Variants in SLC25A26 observed in about 807,000 individuals in gnomAD.
The protein encoded by SLC25A26 is solute carrier family 25 member 26, also known as mitochondrial S-adenosylmethionine carrier protein.
SLC25A26 carries 36 observed loss-of-function variants against 37.8 expected under a neutral mutation model. That is an observed-to-expected ratio of 0.95 (90% confidence interval 0.73 to 1.26). SLC25A26 has a LOEUF of 1.26. Ranked by LOEUF, SLC25A26 falls within the 50% of genes most tolerant of loss-of-function variation. SLC25A26 has a pLI of 0.00. For synonymous variants in SLC25A26, 129 were observed against 122.5 expected, an observed-to-expected ratio of 1.05 and a Z score of -0.35; for missense variants, 390 against 331.1, an observed-to-expected ratio of 1.18 and a Z score of -1.38.
chr3:66,190,380 T>C (rs1021542478), intron 1 of SLC25A26, among the ~76,000 whole-genome samples: 1,653 of 152,178 alleles, frequency 0.011, 31 homozygotes, highest in African/African-American at 0.038. Flanking sequence ...TTCTTATTGA[T>C]TTGCCTCAGG....
intron 5 of SLC25A26, among the ~76,000 whole-genome samples, chr3:66,337,205 C>T (rs2076109515): frequency 1.3e-5 from 2 of 152,108 alleles, no homozygotes; most frequent in Non-Finnish European, 2.9e-5. Flanking sequence ...TGATACCCAA[C>T]AGCAGCAGAT....
In SLC25A26 at chr3:66,135,249, G is replaced by A. The variant is rs146271925; in HGVS notation, c.-354+1265G>A. Among the ~76,000 whole-genome samples, 734 of 152,196 alleles carry A rather than the reference G, an allele frequency of 4.8e-3. 8 individuals are homozygous for A. The highest frequency in any genetic ancestry group is 0.017 in the African/African-American group (695 of 41,522). ...TTAATTAACTTACATTTGAATTTCA[G>A]AAATGTTTTTAACTTTGTTTCAGGG... On this transcript the variant is annotated intron_variant, in intron 1 of 10. Coordinates refer to the SLC25A26 transcript ENST00000676754.
chr3:66,317,491 GA>G (rs2075571761), intron 5 of SLC25A26, among the ~76,000 whole-genome samples: 1 of 152,158 alleles, frequency 6.6e-6, no homozygotes, highest in African/African-American at 2.4e-5. Context: ...CTTTCTCTGG[GA>G]GCTCTGTCCC....
intron 5 of SLC25A26, among the ~76,000 whole-genome samples, chr3:66,316,649 T>C (rs1197307684): frequency 6.6e-6 from 1 of 152,186 alleles, no homozygotes; most frequent in Non-Finnish European, 1.5e-5. Context: ...AGTTCCTGAA[T>C]TTGAATGTTG....
In SLC25A26 at chr3:66,194,835, A is replaced by G. The variant is rs1314447109; in HGVS notation, c.-353-25907A>G. On this transcript the variant is annotated intron_variant, in intron 1 of 10. Coordinates refer to the SLC25A26 transcript ENST00000676754. ...AGGCTGGTCTCGGACTCCCGACCCCAGGTGATCCGCCCTCCTCGGCCTCCC... is the reference window on the plus strand; with the variant it reads ...AGGCTGGTCTCGGACTCCCGACCCCGGGTGATCCGCCCTCCTCGGCCTCCC... Among the ~76,000 whole-genome samples the G allele has an allele frequency of 3.9e-5, 6 of 152,318 alleles. No individual in the cohort carries two copies. The East Asian group carries it at 7.7e-4, about 20-fold the overall frequency.
At chr3:66,247,078 A>T (rs901746022) in intron 3 of SLC25A26, among the ~76,000 whole-genome samples, 8 of 151,604 alleles carry the variant, frequency 5.3e-5, no homozygotes, top group Non-Finnish European at 8.8e-5. Flanking sequence ...GTTAGCCAGG[A>T]TGGTCTTGAT....
chr3:66,371,042 A>T (rs1700319670), intron 9 of SLC25A26, among the ~76,000 whole-genome samples: 1 of 152,258 alleles, frequency 6.6e-6, no homozygotes, highest in Admixed American at 6.5e-5. Flanking sequence ...TATTAGCATC[A>T]ATTGAGAACC....
rs190540219 is a variant in SLC25A26 at position 66,148,180 on chromosome 3, T to G, written c.-354+14196T>G. Among the ~76,000 whole-genome samples the G allele has an allele frequency of 3.0e-4, 46 of 152,332 alleles. No individual in the cohort carries two copies. In the East Asian group the frequency reaches 4.8e-3, roughly 16 times the overall value. On this transcript the variant is annotated intron_variant, in intron 1 of 10. Transcript: ENST00000676754. ...ATTTTTTCATATGTTTGTTCTTCAT[T>G]TGTATATCTTCTTTTGAGAAATGTC... is the stretch of plus-strand genomic sequence containing the variant.
chr3:66,157,616 AT>A (rs1266459922), intron 1 of SLC25A26, among the ~76,000 whole-genome samples: 8 of 152,264 alleles, frequency 5.3e-5, no homozygotes, highest in Non-Finnish European at 7.4e-5. Flanking sequence ...AAATCCATTT[AT>A]TTTTTCTTAT....
chr3:66,203,118 C>G lies in SLC25A26; in HGVS notation c.-353-17624C>G, dbSNP rs1056122623. Among the ~76,000 whole-genome samples the G allele has an allele frequency of 1.2e-4, 19 of 152,202 alleles. No homozygotes were observed. In the East Asian group the frequency reaches 3.7e-3, roughly 29 times the overall value. On this transcript the variant is annotated intron_variant, in intron 1 of 10. Coordinates refer to the SLC25A26 transcript ENST00000676754. ...AGTTCTGGCTGGGTGCAGTGGCTAACACCTGTAATCCCAACACTTTGGGAG... is the reference window on the plus strand; with the variant it reads ...AGTTCTGGCTGGGTGCAGTGGCTAAGACCTGTAATCCCAACACTTTGGGAG...
Position 66,315,263 on chromosome 3 carries a change from G to C in SLC25A26, c.454-31101G>C, listed in dbSNP as rs1339711150. On this transcript the variant is annotated intron_variant, in intron 5 of 9. Transcript: ENST00000354883. ...TAACTTTTTGATGTAGGCATTTATTGCTATAAATTTCCCTCATAATGCTGC... is the reference window on the plus strand; with the variant it reads ...TAACTTTTTGATGTAGGCATTTATTCCTATAAATTTCCCTCATAATGCTGC... Among the ~76,000 whole-genome samples, 5 of 151,954 alleles carry C rather than the reference G, an allele frequency of 3.3e-5. No homozygotes were observed. The East Asian group carries it at 9.7e-4, about 29-fold the overall frequency.
chr3:66,322,155 G>T (rs2075712314), intron 5 of SLC25A26, among the ~76,000 whole-genome samples: 1 of 152,200 alleles, frequency 6.6e-6, no homozygotes, highest in African/African-American at 2.4e-5. Context: ...CTTTGAAGAT[G>T]AGTGTGGGGA....
chr3:66,248,403 G>C (rs1443786886), intron 3 of SLC25A26, among the ~76,000 whole-genome samples: 1 of 152,128 alleles, frequency 6.6e-6, no homozygotes, highest in Non-Finnish European at 1.5e-5. Flanking sequence ...ATCACACACA[G>C]AAAAAGCCCT....
intron 1 of SLC25A26, among the ~76,000 whole-genome samples, chr3:66,206,332 T>C (rs1427460837): frequency 1.3e-5 from 2 of 152,162 alleles, no homozygotes; most frequent in Non-Finnish European, 2.9e-5. Context: ...ACCAACAAAC[T>C]TCATACTGAG....
intron 1 of SLC25A26, among the ~76,000 whole-genome samples, chr3:66,179,693 TCCATAAGAACTTCTTGTTA>T (rs942571316): frequency 1.3e-5 from 2 of 152,172 alleles, no homozygotes; most frequent in Non-Finnish European, 2.9e-5. Flanking sequence ...TAGTTTATCT[TCCATAAGAACTTCTTGTTA>T]CTGGGCTTTT....
chr3:66,137,217 C>CTTT (rs528438794), intron 1 of SLC25A26, among the ~76,000 whole-genome samples: 14 of 118,818 alleles, frequency 1.2e-4, no homozygotes, highest in East Asian at 9.9e-4. Context: ...GATTTTCTTT[C>CTTT]TTTTTTTTTT....
intron 5 of SLC25A26, among the ~76,000 whole-genome samples, chr3:66,288,939 A>C (rs2074609278): frequency 6.6e-6 from 1 of 152,150 alleles, no homozygotes; most frequent in South Asian, 2.1e-4. Flanking sequence ...TTACACTCCC[A>C]CCAACAGTGT....
chr3:66,354,520 C>T (rs1274266035), intron 6 of SLC25A26, among the ~76,000 whole-genome samples: 2 of 152,154 alleles, frequency 1.3e-5, no homozygotes, highest in East Asian at 1.9e-4. Flanking sequence ...TGCAGTACTA[C>T]ATAAAAGCTA....
At chr3:66,209,040 G>GTATGTA (rs1325838750) in intron 1 of SLC25A26, among the ~76,000 whole-genome samples, 2,565 of 33,034 alleles carry the variant, frequency 0.078, 267 homozygotes, top group Middle Eastern at 0.23. Context: ...ATATAAAGGT[G>GTATGTA]TATATATATA....
Sources: gnomAD v4.1 joint callset for allele counts (sites outside exome capture counted in the v4.1 genomes callset) on GRCh38, gnomAD v4.1.1 for gene constraint, MANE v1.5 for transcripts, NCBI Gene and HGNC (gene_info 2026-07-23, HGNC 2026-07-21) for gene names.